Variants in CTDNEP1 observed in about 807,000 individuals in gnomAD.
The protein encoded by CTDNEP1 is CTD nuclear envelope phosphatase 1.
A neutral mutation model predicts 30.1 loss-of-function variants in CTDNEP1; 3 were observed. That is an observed-to-expected ratio of 0.10 (90% CI 0.05 to 0.26). The LOEUF (loss-of-function observed/expected upper bound fraction) is 0.26, where lower values mean the gene tolerates loss of function less well. CTDNEP1 is among the 10% of genes least tolerant of loss of function. The pLI, the probability that CTDNEP1 is intolerant of heterozygous loss-of-function variation, is 1.00. For missense variants in CTDNEP1, 158 were observed against 310.4 expected, an observed-to-expected ratio of 0.51 and a Z score of 3.69; for synonymous variants, 123 against 118.8, an observed-to-expected ratio of 1.04 and a Z score of -0.23.
intron 1 of CTDNEP1, among the ~76,000 whole-genome samples, chr17:7,248,747 A>G (rs1171217095): frequency 6.6e-6 from 1 of 152,226 alleles, no homozygotes; most frequent in Non-Finnish European, 1.5e-5. Context: ...AATTATTTGT[A>G]GCAACTACCA....
At chr17:7,244,417 G>A in intron 7 of CTDNEP1, 134 bp downstream of exon 7, 1 of 1,188,804 alleles carries the variant, frequency 8.4e-7, no homozygotes, top group Non-Finnish European at 1.2e-6. Context: ...TTTGAAGTAA[G>A]ACGACCTGGG....
At chr17:7,245,701 T>C (rs1449811087) in intron 6 of CTDNEP1, among the ~76,000 whole-genome samples, 1 of 151,850 alleles carries the variant, frequency 6.6e-6, no homozygotes, top group Non-Finnish European at 1.5e-5. Flanking sequence ...GGTTTCACCA[T>C]GTTTGTTAGG....
rs371726028 is a variant in CTDNEP1, at chr17:7,251,237, G to A, written c.60C>T (p.Leu20=). 1.2e-6 allele frequency: 2 copies of A among 1,602,870 alleles called. No homozygotes were observed. Among genetic ancestry groups the A allele is most frequent in the South Asian group, 1.1e-5 (1 of 88,964 alleles). The change falls in exon 1 of 8, where the codon CTC becomes CTT. Residue 20 remains leucine, a synonymous_variant. Coordinates refer to ENST00000574322, the MANE Select transcript of CTDNEP1 (RefSeq NM_001143775.2). ...GCAGAAGGTAAATGAAGAAGCTCCA[G>A]AGCTTGGCGGCGAAGGCCACGAACG... ...LRTFVAFAAK[L]WSFFIYLLRR...
chr17:7,244,834 T>C (rs758153282), intron 6 of CTDNEP1, 199 bp from the exon 7 acceptor site: 1 of 524,816 alleles, frequency 1.9e-6, no homozygotes, highest in Non-Finnish European at 3.4e-6. Context: ...TTGATGCTTC[T>C]AGTCAAGCTT....
At chr17:7,247,470 C>CAT (rs1555532018) in intron 1 of CTDNEP1, 127 bp from the exon 2 acceptor site, 14 of 546,254 alleles carry the variant, frequency 2.6e-5, no homozygotes, top group Non-Finnish European at 2.9e-5. Context: ...ATTTCTTCTT[C>CAT]TTTTTTTTTT....
In CTDNEP1 at chr17:7,246,970, G is replaced by C; in HGVS notation, c.288+94C>G. 1.4e-6 allele frequency: 2 copies of C among 1,397,204 alleles called. No homozygotes were observed. Among genetic ancestry groups the C allele is most frequent in the South Asian group, 1.2e-5 (1 of 84,744 alleles). The allele number at this position is 1,397,204 out of a possible 1,614,324, so 86.6% of individuals were successfully genotyped here. Reference sequence around the variant, plus strand: ...CCTCCAGGCTGACACTGGTGCCAGCGGATGGAGACAGATGCTCTGGGACTG... The same window carrying C: ...CCTCCAGGCTGACACTGGTGCCAGCCGATGGAGACAGATGCTCTGGGACTG... On this transcript the variant is annotated intron_variant, in intron 3 of 7. Coordinates refer to ENST00000574322, the MANE Select transcript of CTDNEP1 (RefSeq NM_001143775.2). This position sits in a 1 kb window ranked among gnomAD's most constrained non-coding sequence, Gnocchi z 4.9.
chr17:7,244,628 G>A lies in CTDNEP1; in HGVS notation c.597C>T (p.Ala199=), dbSNP rs988038726. The change falls in exon 7 of 8, where the codon GCC becomes GCT. Residue 199 remains alanine (A), a synonymous_variant. Transcript: ENST00000574322. ...PGAYRSHPDN[A]IPIKSWFSDP... ...CACTGAACCAGGATTTGATGGGGAT[G>A]GCATTGTCTAGGGTGGGTGAAAATG... The A allele has an allele frequency of 4.3e-6, 7 of 1,611,136 alleles. No individual in the cohort carries two copies. Among genetic ancestry groups the A allele is most frequent in the Non-Finnish European group, 5.9e-6 (7 of 1,178,920 alleles).
At chr17:7,248,259 C>CCAAAAAA (rs1379101575) in intron 1 of CTDNEP1, among the ~76,000 whole-genome samples, 3 of 15,408 alleles carry the variant, frequency 1.9e-4, no homozygotes, top group Admixed American at 2.2e-3. Context: ...GACTCCGTCG[C>CCAAAAAA]AAAAAAAAAA....
chr17:7,245,580 CCT>C (rs1194541497), intron 6 of CTDNEP1, among the ~76,000 whole-genome samples: 2 of 151,826 alleles, frequency 1.3e-5, no homozygotes, highest in Non-Finnish European at 2.9e-5. Flanking sequence ...CTCACTGCAA[CCT>C]CCGCCTCCCG....
At chr17:7,250,716 C>T (rs562915610) in intron 1 of CTDNEP1, among the ~76,000 whole-genome samples, 1 of 152,302 alleles carries the variant, frequency 6.6e-6, no homozygotes, top group South Asian at 2.1e-4. Context: ...AGGGCTTTCC[C>T]AAGTTCCCGT....
At chr17:7,250,798 G>A (rs938289189) in intron 1 of CTDNEP1, among the ~76,000 whole-genome samples, 3 of 151,694 alleles carry the variant, frequency 2.0e-5, no homozygotes, top group African/African-American at 4.8e-5. Context: ...CCTTGTTATA[G>A]GACCAAACAC....
At position 7,243,818 on chromosome 17, in the gene CTDNEP1, A is replaced by G; in HGVS notation, c.*367T>C. On this transcript the variant is annotated 3_prime_UTR_variant, in exon 8 of 8. Transcript: ENST00000574322. ...AGTTTTGTACAAGAGTTTTTTAAAA[A>G]AAATCAAATCACAACAAAGCTGACT... 3 of 529,676 alleles carry G rather than the reference A, an allele frequency of 5.7e-6. No individual in the cohort carries two copies. Among genetic ancestry groups the G allele is most frequent in the Non-Finnish European group, 7.6e-6 (3 of 393,196 alleles). The allele number at this position is 529,676 out of a possible 1,614,324, so 32.8% of individuals were successfully genotyped here.
chr17:7,251,224 TGAA>T lies in CTDNEP1; in HGVS notation c.70_72del (p.Phe24del), dbSNP rs2071917708. On this transcript the variant is annotated inframe_deletion, in exon 1 of 8. Coordinates refer to ENST00000574322, the MANE Select transcript of CTDNEP1 (RefSeq NM_001143775.2). The stretch of plus-strand genomic sequence containing the variant: ...CGGATCTGCCTCCGCAGAAGGTAAA[TGAA>T]GAAGCTCCAGAGCTTGGCGGCGAAG... The T allele has an allele frequency of 1.2e-6, 2 of 1,603,016 alleles. No homozygotes were observed. The highest frequency in any genetic ancestry group is 2.3e-5 in the East Asian group (1 of 43,912).
Position 7,243,875 on chromosome 17 carries a change from A to C in CTDNEP1, c.*310T>G. ...CTCTTTGAGCCTCCTGGATCACCGT[A>C]TGTCTGTCACTCTGGCCAGTCCTGC... On this transcript the variant is annotated 3_prime_UTR_variant, in exon 8 of 8. Transcript: ENST00000574322. The C allele has an allele frequency of 9.0e-7, 1 of 1,114,342 alleles. No homozygotes were observed. Among genetic ancestry groups the C allele is most frequent in the Non-Finnish European group, 1.1e-6 (1 of 878,804 alleles). The allele number at this position is 1,114,342 out of a possible 1,614,324, so 69.0% of individuals were successfully genotyped here.
chr17:7,243,970 G>C lies in CTDNEP1; in HGVS notation c.*215C>G, dbSNP rs1447039167. ...TCCCAGTCTGGGGTTTCCATGGAGT[G>C]TGAACACGAAGTTAAGAGTGAGGCT... On this transcript the variant is annotated 3_prime_UTR_variant, in exon 8 of 8. Coordinates refer to ENST00000574322, the MANE Select transcript of CTDNEP1 (RefSeq NM_001143775.2). The C allele has an allele frequency of 7.2e-7, 1 of 1,385,658 alleles. No individual in the cohort carries two copies. Among genetic ancestry groups the C allele is most frequent in the Non-Finnish European group, 9.4e-7 (1 of 1,068,238 alleles). The allele number at this position is 1,385,658 out of a possible 1,614,324, so 85.8% of individuals were successfully genotyped here. A position where few individuals can be genotyped will look rare whatever the true frequency, so the allele number is the denominator to read the frequency against.
intron 6 of CTDNEP1, among the ~76,000 whole-genome samples, chr17:7,245,025 G>A (rs1223384303): frequency 1.3e-5 from 2 of 152,190 alleles, no homozygotes; most frequent in East Asian, 3.9e-4. Flanking sequence ...AAGGGCAGTG[G>A]CTTACGCCTG....
Position 7,251,178 on chromosome 17 carries a change from C to A in CTDNEP1, c.102+17G>T, listed in dbSNP as rs765939075. On this transcript the variant is annotated intron_variant, in intron 1 of 7. Transcript: ENST00000574322. ...CGCCAGACGTCCCCAACACCGCCAG[C>A]GCCCACCCTGGCTCACCGTGCGGAT... The A allele has an allele frequency of 2.6e-5, 41 of 1,573,942 alleles. No homozygotes were observed. In the East Asian group the frequency reaches 9.6e-4, roughly 37 times the overall value.
chr17:7,247,528 G>A (rs1450402720), intron 1 of CTDNEP1, among the ~76,000 whole-genome samples, 185 bp from the exon 2 acceptor site: 1 of 151,252 alleles, frequency 6.6e-6, no homozygotes, highest in Admixed American at 6.6e-5. Context: ...GAGTGCAGCG[G>A]CATGATCTCG....
rs1282426187 is a variant in CTDNEP1 at position 7,244,322 on chromosome 17, C to T, written c.675-77G>A. 9 of 1,497,546 alleles carry T rather than the reference C, an allele frequency of 6.0e-6. No individual in the cohort carries two copies. In the Admixed American group the frequency reaches 6.9e-5, roughly 12 times the overall value. 92.8% of individuals were successfully genotyped at this position (1,497,546 alleles called of 1,614,324 possible). A position where few individuals can be genotyped will look rare whatever the true frequency, so the allele number is the denominator to read the frequency against. On this transcript the variant is annotated intron_variant, in intron 7 of 7. Transcript: ENST00000574322. ...ACAACACTCTTGTAAGGCAGCATCA[C>T]TGGAGATGTGGGACCTAAATTATCA...
Sources: allele counts gnomAD v4.1 joint callset (sites outside exome capture counted in the v4.1 genomes callset), GRCh38; gene constraint gnomAD v4.1.1; non-coding constraint Gnocchi (gnomAD v3.1); transcripts MANE v1.5; gene names NCBI Gene and HGNC (gene_info 2026-07-23, HGNC 2026-07-21).